The following PBX1 variants were observed in gnomAD, a reference collection of about 807,000 sequenced individuals.
PBX1 encodes pre-B-cell leukemia transcription factor 1.
In PBX1, 6 loss-of-function variants were observed where a neutral mutation model predicts 53.4. The observed-to-expected ratio is 0.11, with a 90% confidence interval of 0.06 to 0.22. The LOEUF is 0.22. Among genes scored for constraint, PBX1 ranks in the 10% least tolerant of loss-of-function variants. PBX1 has a pLI of 1.00. For missense variants in PBX1, 251 were observed against 551.4 expected (o/e 0.46, Z 5.46); for synonymous variants, 204 against 212.3 (o/e 0.96, Z 0.34).
intron 2 of PBX1, among the ~76,000 whole-genome samples, chr1:164,726,576 G>C (rs1664711308): frequency 6.6e-6 from 1 of 152,184 alleles, no homozygotes; most frequent in South Asian, 2.1e-4. Context: ...AAAATTGTAA[G>C]CATAGCCACT....
In PBX1 at chr1:164,847,400, C is replaced by T. The variant is rs539830647; in HGVS notation, c.*724C>T. The T allele has an allele frequency of 1.9e-4, 205 of 1,063,944 alleles. No individual in the cohort carries two copies. Among genetic ancestry groups the T allele is most frequent in the Non-Finnish European group, 1.9e-4 (163 of 878,440 alleles). The allele number at this position is 1,063,944 out of a possible 1,614,324, so 65.9% of individuals were successfully genotyped here. A position where few individuals can be genotyped will look rare whatever the true frequency, so the allele number is the denominator to read the frequency against. ...GGAAGTCAGGCAGCAGGGAAGGACA[C>T]GGGAACAGCAGGTGGAGAATTCCTA... is the stretch of plus-strand genomic sequence containing the variant. On this transcript the variant is annotated 3_prime_UTR_variant, in exon 9 of 9. Transcript: ENST00000420696.
At chr1:164,702,922 A>AG (rs1414809557) in intron 2 of PBX1, 1 of 152,066 alleles carries the variant, frequency 6.6e-6, no homozygotes, top group Non-Finnish European at 1.5e-5. Flanking sequence ...TGGAGTGCAG[A>AG]GGTAATTAAC....
At chr1:164,884,496 G>A (rs917967291) in intron 2 of PBX1, 6 of 484,044 alleles carry the variant, frequency 1.2e-5, no homozygotes, top group Non-Finnish European at 2.0e-5. Context: ...TGTGGATAGG[G>A]GGTGTTAAAG....
intron 8 of PBX1, among the ~76,000 whole-genome samples, chr1:164,822,254 C>A (rs1276367914): frequency 6.6e-6 from 1 of 151,140 alleles, no homozygotes; most frequent in East Asian, 2.0e-4. Flanking sequence ...GGACAGCAAT[C>A]CAACTTGATT....
intron 8 of PBX1, among the ~76,000 whole-genome samples, chr1:164,827,421 C>A (rs12040636): frequency 6.6e-6 from 1 of 152,276 alleles, no homozygotes; most frequent in African/African-American, 2.4e-5. Context: ...AACTAGTGAA[C>A]AGCCCCAAAA....
chr1:164,819,157 C>T (rs1289813141), intron 6 of PBX1: 1 of 152,042 alleles, frequency 6.6e-6, no homozygotes, highest in African/African-American at 2.4e-5. Context: ...TTTGCAAGCC[C>T]TTATGCTTAG....
intron 2 of PBX1, among the ~76,000 whole-genome samples, chr1:164,663,267 T>A (rs1660613389): frequency 6.6e-6 from 1 of 151,670 alleles, no homozygotes; most frequent in Non-Finnish European, 1.5e-5. Context: ...CCTGCCTGCC[T>A]GCCTGCCTGC....
At chr1:164,731,312 CAAA>C (rs57637058) in intron 2 of PBX1, among the ~76,000 whole-genome samples, 1 of 118,208 alleles carries the variant, frequency 8.5e-6, no homozygotes, top group Non-Finnish European at 1.8e-5. Flanking sequence ...TTTCATCAGC[CAAA>C]AAAAAAAAAA....
At chr1:164,832,828 G>A (rs1258146372) in intron 8 of PBX1, among the ~76,000 whole-genome samples, 4 of 152,000 alleles carry the variant, frequency 2.6e-5, no homozygotes, top group Non-Finnish European at 5.9e-5. Context: ...CACGGGTACT[G>A]AAGAGAATAA....
intron 2 of PBX1, among the ~76,000 whole-genome samples, chr1:164,695,436 T>C (rs886492791): frequency 9.8e-5 from 15 of 152,338 alleles, no homozygotes; most frequent in African/African-American, 3.1e-4. Flanking sequence ...TTCTTTCTTA[T>C]ACCTTTGAAG....
At chr1:164,635,570 G>A (rs1045320874) in intron 2 of PBX1, among the ~76,000 whole-genome samples, 26 of 152,198 alleles carry the variant, frequency 1.7e-4, no homozygotes, top group Middle Eastern at 3.2e-3. Context: ...TGAGGCGCGC[G>A]CGGGCTGCGC....
At chr1:164,870,283 T>C (rs1460968036) in intron 2 of PBX1, among the ~76,000 whole-genome samples, 12 of 25,288 alleles carry the variant, frequency 4.7e-4, no homozygotes, top group African/African-American at 1.2e-3. Context: ...CTTTCTTTCT[T>C]TCTTTCTTTC....
At chr1:164,861,476 C>T (rs1332873877) in intron 2 of PBX1, among the ~76,000 whole-genome samples, 3 of 152,260 alleles carry the variant, frequency 2.0e-5, no homozygotes, top group Admixed American at 6.5e-5. Flanking sequence ...TTTATTCCTT[C>T]ACTTAGCAAA....
intron 2 of PBX1, among the ~76,000 whole-genome samples, chr1:164,744,731 C>T (rs1665804101): frequency 6.6e-6 from 1 of 152,144 alleles, no homozygotes; most frequent in African/African-American, 2.4e-5. Flanking sequence ...CAGACGTGGC[C>T]TCTGCTCTTA....
At chr1:164,791,231 T>TAAA (rs138824666) in intron 2 of PBX1, among the ~76,000 whole-genome samples, 1 of 152,102 alleles carries the variant, frequency 6.6e-6, no homozygotes, top group African/African-American at 2.4e-5. Flanking sequence ...GAAGGGGTAG[T>TAAA]AAAAAAGACT....
intron 2 of PBX1, among the ~76,000 whole-genome samples, chr1:164,652,835 G>A (rs1004953554): frequency 2.7e-5 from 4 of 150,212 alleles, no homozygotes; most frequent in African/African-American, 7.4e-5. Flanking sequence ...CTTACCACCC[G>A]CACCCCCACC....
chr1:164,790,403 T>C (rs927904874), intron 2 of PBX1, among the ~76,000 whole-genome samples: 3 of 152,148 alleles, frequency 2.0e-5, no homozygotes, highest in African/African-American at 7.2e-5. Context: ...ACTATGGCAA[T>C]TTTGTTTTTG....
At chr1:164,760,623 G>A (rs1333498118) in intron 2 of PBX1, among the ~76,000 whole-genome samples, 1 of 152,102 alleles carries the variant, frequency 6.6e-6, no homozygotes. Context: ...TCTCTCGTCT[G>A]TGGTTGCAAG....
chr1:164,792,349 C>A (rs533607792), intron 2 of PBX1, 145 bp from the exon 3 acceptor site: 23 of 1,410,966 alleles, frequency 1.6e-5, no homozygotes, highest in Non-Finnish European at 2.1e-5. Flanking sequence ...CAGTTTCTCT[C>A]TTTTTCCAGC....
Sources: gnomAD v4.1 joint callset for allele counts (sites outside exome capture counted in the v4.1 genomes callset) on GRCh38, gnomAD v4.1.1 for gene constraint, MANE v1.5 for transcripts, NCBI Gene and HGNC (gene_info 2026-07-23, HGNC 2026-07-21) for gene names.